Variants in ADAMTSL3 observed in about 807,000 individuals in gnomAD.
ADAMTSL3 encodes the protein ADAMTS like 3.
Under a neutral mutation model 201.7 loss-of-function variants are expected in ADAMTSL3, and 128 were observed. The ratio of observed to expected loss-of-function variants is 0.63; its 90% CI spans 0.55 to 0.73. ADAMTSL3 has a LOEUF of 0.73. Among genes scored for constraint, ADAMTSL3 ranks in the 30% least tolerant of loss-of-function variants. The pLI is 0.00. For synonymous variants in ADAMTSL3, 738 were observed against 748.4 expected (o/e 0.99, Z 0.23); for missense variants, 1,990 against 2,119.6 (o/e 0.94, Z 1.20).
Position 83,885,213 on chromosome 15 carries a change from G to T in ADAMTSL3, c.1072+1G>T. ...CCCTGCACTGTGACGTGTGGAGGAG[G>T]TGAGGCCCAGGCTTTGTTCATGAAT... On this transcript the variant is annotated splice_donor_variant, in intron 10 of 29. Transcript: ENST00000286744. LOFTEE classifies it high-confidence loss of function. 2.5e-6 allele frequency: 4 copies of T among 1,601,542 alleles called. No individual in the cohort carries two copies. The highest frequency in any genetic ancestry group is 3.4e-6 in the Non-Finnish European group (4 of 1,168,798).
At chr15:83,734,045 T>C (rs1418475422) in intron 3 of ADAMTSL3, among the ~76,000 whole-genome samples, 1 of 152,148 alleles carries the variant, frequency 6.6e-6, no homozygotes, top group Non-Finnish European at 1.5e-5. Context: ...AAAGGAATAG[T>C]GAGTCTCTGA....
chr15:83,754,652 G>A (rs1178573992), intron 3 of ADAMTSL3, among the ~76,000 whole-genome samples: 1 of 152,128 alleles, frequency 6.6e-6, no homozygotes, highest in African/African-American at 2.4e-5. Context: ...CACAAACAGG[G>A]TTTTGGATAA....
At chr15:83,755,315 A>G (rs2062702602) in intron 3 of ADAMTSL3, among the ~76,000 whole-genome samples, 1 of 152,180 alleles carries the variant, frequency 6.6e-6, no homozygotes, top group Non-Finnish European at 1.5e-5. Flanking sequence ...TAGTGGCATC[A>G]TGTACATTCA....
At chr15:83,710,854 C>G (rs2061924401) in intron 3 of ADAMTSL3, among the ~76,000 whole-genome samples, 1 of 152,178 alleles carries the variant, frequency 6.6e-6, no homozygotes, top group African/African-American at 2.4e-5. Flanking sequence ...GGTGAGGAAT[C>G]TGAGCCCCGG....
In ADAMTSL3 at chr15:83,703,613, G is replaced by A. The variant is rs563167292; in HGVS notation, c.70-776G>A. 8.5e-5 allele frequency among the ~76,000 whole-genome samples: 13 copies of A among 152,172 alleles called. No homozygotes were observed. The South Asian group carries it at 1.2e-3, about 15-fold the overall frequency. Reference sequence around the variant, plus strand: ...ATCCCTCTCACTTTCTCTTGTGGCCGTCATGTCGGAAGTGCCTTTCACCTC... The same window carrying A: ...ATCCCTCTCACTTTCTCTTGTGGCCATCATGTCGGAAGTGCCTTTCACCTC... On this transcript the variant is annotated intron_variant, in intron 2 of 29. Coordinates refer to ENST00000286744, the MANE Select transcript of ADAMTSL3 (RefSeq NM_207517.3).
Position 83,970,537 on chromosome 15 carries a change from G to A in ADAMTSL3, c.2544G>A (p.Arg848=). The A allele has an allele frequency of 1.2e-6, 2 of 1,614,204 alleles. No homozygotes were observed. Among genetic ancestry groups the A allele is most frequent in the African/African-American group, 2.7e-5 (2 of 75,046 alleles). ...AGAGAAGAAAGCAGGTGTGTCAAAG[G>A]CTGGCAGCCAAAGGTCGGCGCATCC... is the stretch of plus-strand genomic sequence containing the variant. ...GIQRRKQVCQ[R]LAAKGRRIPL... The change falls in exon 20 of 30, where the codon AGG becomes AGA. Residue 848 remains arginine, a synonymous_variant. Coordinates refer to ENST00000286744, the MANE Select transcript of ADAMTSL3 (RefSeq NM_207517.3).
chr15:83,768,538 G>A lies in ADAMTSL3; in HGVS notation c.190-4985G>A, dbSNP rs76952105. Among the ~76,000 whole-genome samples the A allele has an allele frequency of 9.0e-3, 1,364 of 152,238 alleles. 13 individuals are homozygous for A. Among genetic ancestry groups the A allele is most frequent in the Non-Finnish European group, 0.015 (1,018 of 68,002 alleles). ...TTAAAATGTGCAAATTTCGATGTGC[G>A]CCAAGAGAGAGCATAGTTGCAAAGG... On this transcript the variant is annotated intron_variant, in intron 3 of 29. Transcript: ENST00000286744.
At chr15:83,774,596 C>T (rs932103834) in intron 4 of ADAMTSL3, among the ~76,000 whole-genome samples, 1 of 152,174 alleles carries the variant, frequency 6.6e-6, no homozygotes, top group Non-Finnish European at 1.5e-5. Context: ...GTAGCATTCC[C>T]CCAGGGCGAG....
chr15:83,975,053 G>A (rs369830476), intron 20 of ADAMTSL3, among the ~76,000 whole-genome samples: 1 of 140,686 alleles, frequency 7.1e-6, no homozygotes, highest in Non-Finnish European at 1.5e-5. Context: ...CTAGGCTGGA[G>A]TGCAGTGGCG....
At chr15:83,997,111 C>G (rs1258957882) in intron 23 of ADAMTSL3, among the ~76,000 whole-genome samples, 1 of 152,136 alleles carries the variant, frequency 6.6e-6, no homozygotes, top group Non-Finnish European at 1.5e-5. Context: ...AGACATTTCA[C>G]TTGTGGATAT....
chr15:83,678,218 A>G (rs1398062369), intron 2 of ADAMTSL3, among the ~76,000 whole-genome samples: 3 of 152,036 alleles, frequency 2.0e-5, no homozygotes, highest in Non-Finnish European at 4.4e-5. Flanking sequence ...CTTCACCCCT[A>G]TTTTTGCCCA....
At chr15:83,885,450 A>C (rs551397971) in intron 10 of ADAMTSL3, among the ~76,000 whole-genome samples, 27 of 152,208 alleles carry the variant, frequency 1.8e-4, no homozygotes, top group African/African-American at 6.0e-4. Context: ...CCAAAAAAAA[A>C]AAACAAAACA....
At chr15:83,878,631 T>C (rs1393627794) in intron 9 of ADAMTSL3, among the ~76,000 whole-genome samples, 2 of 152,036 alleles carry the variant, frequency 1.3e-5, no homozygotes, top group African/African-American at 4.8e-5. Flanking sequence ...AAAAATAGAA[T>C]TCATTGTTAA....
chr15:83,961,617 C>T (rs1248535173), intron 19 of ADAMTSL3: 3 of 152,152 alleles, frequency 2.0e-5, no homozygotes, highest in Non-Finnish European at 4.4e-5. Context: ...CTACACAATT[C>T]TAAAGAAAAG....
At chr15:83,848,418 C>A (rs1398272335) in intron 7 of ADAMTSL3, among the ~76,000 whole-genome samples, 3 of 152,142 alleles carry the variant, frequency 2.0e-5, no homozygotes, top group Non-Finnish European at 4.4e-5. Context: ...GTACATCTTG[C>A]TACTTAGCAA....
chr15:83,996,433 A>G (rs2067686804), intron 23 of ADAMTSL3, among the ~76,000 whole-genome samples: 2 of 152,214 alleles, frequency 1.3e-5, no homozygotes, highest in African/African-American at 4.8e-5. Flanking sequence ...TTTGTTATAT[A>G]GTACCAGAAT....
intron 6 of ADAMTSL3, among the ~76,000 whole-genome samples, chr15:83,831,877 T>G (rs2064164007): frequency 6.6e-6 from 1 of 152,138 alleles, no homozygotes; most frequent in Admixed American, 6.6e-5. Context: ...ATTAACTTCA[T>G]GGTAAATCCA....
intron 23 of ADAMTSL3, among the ~76,000 whole-genome samples, chr15:83,993,837 T>C (rs1567289028): frequency 6.6e-6 from 1 of 152,216 alleles, no homozygotes; most frequent in Non-Finnish European, 1.5e-5. Flanking sequence ...AAAGAAAAGC[T>C]CATCTGGGGA....
chr15:83,897,411 A>G (rs747958403), intron 13 of ADAMTSL3, among the ~76,000 whole-genome samples: 28 of 152,050 alleles, frequency 1.8e-4, no homozygotes, highest in Non-Finnish European at 3.1e-4. Flanking sequence ...ACTGACTTCT[A>G]TAGACAGAAT....
Sources: gnomAD v4.1 joint callset for allele counts (sites outside exome capture counted in the v4.1 genomes callset) on GRCh38, gnomAD v4.1.1 for gene constraint, MANE v1.5 for transcripts, NCBI Gene and HGNC (gene_info 2026-07-23, HGNC 2026-07-21) for gene names.